TLL2: variants seen among roughly 807,000 people sequenced by gnomAD.
The protein encoded by TLL2 is tolloid like 2, also known as tolloid-like protein 2.
Under a neutral mutation model 123.0 loss-of-function variants are expected in TLL2, and 106 were observed. The observed-to-expected ratio is 0.86, with a 90% confidence interval of 0.74 to 1.01. TLL2 has a LOEUF of 1.01. TLL2 is among the 50% of genes least tolerant of loss of function. The probability of loss-of-function intolerance (pLI) is 0.00; values close to 1 mark genes in which losing one functional copy is unlikely to be tolerated. For missense variants in TLL2, 1,332 were observed against 1,336.7 expected, an observed-to-expected ratio of 1.00 and a Z score of 0.06; for synonymous variants, 494 against 516.8, an observed-to-expected ratio of 0.96 and a Z score of 0.60.
chr10:96,500,121 G>A (rs12242834), intron 1 of TLL2, among the ~76,000 whole-genome samples: 600 of 68,082 alleles, frequency 8.8e-3, no homozygotes, highest in Middle Eastern at 0.03. Flanking sequence ...AAAAAAAAAA[G>A]AAAAAGAAAA....
intron 1 of TLL2, among the ~76,000 whole-genome samples, chr10:96,481,147 ATT>A (rs34296985): frequency 0.011 from 1,513 of 133,542 alleles, 28 homozygotes; most frequent in African/African-American, 0.042. Flanking sequence ...TGGGGGATGG[ATT>A]TTTTTTTTTT....
intron 19 of TLL2, 27 bp downstream of exon 19, chr10:96,373,569 T>C: frequency 6.2e-7 from 1 of 1,606,430 alleles, no homozygotes; most frequent in African/African-American, 1.3e-5. Flanking sequence ...GCTCATCAGG[T>C]GGAAGCCAGT....
chr10:96,487,296 G>T (rs1249685969), intron 1 of TLL2, among the ~76,000 whole-genome samples: 1 of 152,102 alleles, frequency 6.6e-6, no homozygotes, highest in African/African-American at 2.4e-5. Flanking sequence ...CCTCCACTTT[G>T]CTCCTCCTGG....
chr10:96,393,054 G>C (rs1385750194), intron 13 of TLL2, among the ~76,000 whole-genome samples: 3 of 152,150 alleles, frequency 2.0e-5, no homozygotes, highest in Middle Eastern at 3.2e-3. Flanking sequence ...CCATGGAAGG[G>C]GACCATGAGC....
chr10:96,401,888 A>C (rs962784775), intron 10 of TLL2, among the ~76,000 whole-genome samples: 1 of 152,202 alleles, frequency 6.6e-6, no homozygotes, highest in African/African-American at 2.4e-5. Flanking sequence ...AGCCCAGTAC[A>C]TTTGAATTTC....
chr10:96,492,151 C>A (rs1329521880), intron 1 of TLL2, among the ~76,000 whole-genome samples: 2 of 151,444 alleles, frequency 1.3e-5, no homozygotes, highest in African/African-American at 4.9e-5. Flanking sequence ...ATGCCCTCTA[C>A]ATATTACCAC....
chr10:96,377,519 T>C (rs925584306), intron 17 of TLL2, among the ~76,000 whole-genome samples: 1 of 152,222 alleles, frequency 6.6e-6, no homozygotes, highest in African/African-American at 2.4e-5. Context: ...TTAGTCCTTC[T>C]CACTTCCCAA....
intron 9 of TLL2, among the ~76,000 whole-genome samples, chr10:96,409,278 C>T (rs1260293602): frequency 1.3e-5 from 2 of 152,192 alleles, no homozygotes; most frequent in Non-Finnish European, 2.9e-5. Context: ...GATCTCCAAC[C>T]TTAATGAGCT....
In TLL2 at chr10:96,513,847, CCTGT is replaced by C; in HGVS notation, c.-166_-163del. 1 of 778,258 alleles carries C rather than the reference CCTGT, an allele frequency of 1.3e-6. No homozygotes were observed. Among genetic ancestry groups the C allele is most frequent in the Non-Finnish European group, 1.8e-6 (1 of 541,266 alleles). The allele number at this position is 778,258 out of a possible 1,614,324, so 48.2% of individuals were successfully genotyped here. A position where few individuals can be genotyped will look rare whatever the true frequency, so the allele number is the denominator to read the frequency against. ...GCGGAGCAAGCGGAGCGCGGCGCCC[CCTGT>C]CTTCGTCGAGGCAACCGGGAAGCAG... On this transcript the variant is annotated 5_prime_UTR_variant, in exon 1 of 21. Coordinates refer to ENST00000357947, the MANE Select transcript of TLL2 (RefSeq NM_012465.4).
chr10:96,460,440 A>G (rs902284916), intron 2 of TLL2, among the ~76,000 whole-genome samples: 4 of 152,058 alleles, frequency 2.6e-5, no homozygotes, highest in Non-Finnish European at 5.9e-5. Context: ...CATGCCTGAT[A>G]TGGTTTGGCT....
intron 2 of TLL2, among the ~76,000 whole-genome samples, chr10:96,452,982 T>C (rs1413168807): frequency 6.6e-6 from 1 of 152,274 alleles, no homozygotes; most frequent in African/African-American, 2.4e-5. Flanking sequence ...AAATTTCATA[T>C]GCTACAGAAG....
intron 1 of TLL2, among the ~76,000 whole-genome samples, chr10:96,499,170 T>C (rs1378613256): frequency 6.6e-6 from 1 of 152,206 alleles, no homozygotes; most frequent in Non-Finnish European, 1.5e-5. Context: ...CTTGCACCCA[T>C]GGGAAGGGCT....
At chr10:96,410,294 A>C (rs1846487828) in intron 9 of TLL2, 65 bp downstream of exon 9, 1 of 1,196,408 alleles carries the variant, frequency 8.4e-7, no homozygotes, top group South Asian at 1.3e-5. Context: ...TAACAATAAG[A>C]ACTCCTCCCA....
intron 2 of TLL2, among the ~76,000 whole-genome samples, chr10:96,476,885 C>CAGACACACAG (rs1471833647): frequency 8.0e-6 from 1 of 124,632 alleles, no homozygotes; most frequent in Non-Finnish European, 1.8e-5. Flanking sequence ...CACACACACA[C>CAGACACACAG]ACACACACAC....
Position 96,367,270 on chromosome 10 carries a change from G to A in TLL2, c.*818C>T, listed in dbSNP as rs1334580450. ...AGAAGAAATGTTCTTTGAAGCCCAT[G>A]GAATTCCAAGCACAGGTGGAGTCTT... On this transcript the variant is annotated 3_prime_UTR_variant, in exon 21 of 21. Transcript: ENST00000357947. 1.3e-5 allele frequency: 2 copies of A among 152,190 alleles called. No individual in the cohort carries two copies. Among genetic ancestry groups the A allele is most frequent in the Non-Finnish European group, 2.9e-5 (2 of 68,034 alleles). The allele number at this position is 152,190 out of a possible 1,614,324, so 9.4% of individuals were successfully genotyped here.
intron 2 of TLL2, among the ~76,000 whole-genome samples, chr10:96,477,492 G>A (rs182288152): frequency 3.2e-4 from 49 of 152,104 alleles, no homozygotes; most frequent in African/African-American, 9.4e-4. Context: ...GGGACCACAG[G>A]GGTGAATGCC....
At chr10:96,513,430 A>G (rs903347811) in intron 1 of TLL2, 81 bp downstream of exon 1, 1 of 1,567,072 alleles carries the variant, frequency 6.4e-7, no homozygotes, top group Non-Finnish European at 8.7e-7. Flanking sequence ...CGCCCCATAG[A>G]CGGTAGTGCA....
At chr10:96,399,680 TA>T (rs1174284644) in intron 10 of TLL2, among the ~76,000 whole-genome samples, 7 of 152,238 alleles carry the variant, frequency 4.6e-5, no homozygotes, top group Non-Finnish European at 8.8e-5. Flanking sequence ...CCTGGGGAAG[TA>T]CTGCTTACCA....
intron 2 of TLL2, among the ~76,000 whole-genome samples, chr10:96,447,485 G>A (rs1488445168): frequency 2.6e-5 from 4 of 152,162 alleles, no homozygotes; most frequent in Non-Finnish European, 4.4e-5. Context: ...TGGAGGTGCT[G>A]GGACCTGTCG....
Sources: allele counts gnomAD v4.1 joint callset (sites outside exome capture counted in the v4.1 genomes callset), GRCh38; gene constraint gnomAD v4.1.1; transcripts MANE v1.5; gene names NCBI Gene and HGNC (gene_info 2026-07-23, HGNC 2026-07-21).